The following NAALADL2 variants were observed in gnomAD, a reference collection of about 807,000 sequenced individuals.
The protein encoded by NAALADL2 is inactive N-acetylated-alpha-linked acidic dipeptidase-like protein 2.
Under a neutral mutation model 87.2 loss-of-function variants are expected in NAALADL2, and 76 were observed. That is an observed-to-expected ratio of 0.87 (90% CI 0.72 to 1.05). NAALADL2 has a LOEUF of 1.05. Ranked by LOEUF, NAALADL2 falls within the 50% of genes least tolerant of loss-of-function variation. The pLI, the probability that NAALADL2 is intolerant of heterozygous loss-of-function variation, is 0.00. For missense variants in NAALADL2, 1,089 were observed against 945.8 expected (o/e 1.15, Z -1.99); for synonymous variants, 354 against 331.0 (o/e 1.07, Z -0.75).
intron 4 of NAALADL2, among the ~76,000 whole-genome samples, chr3:175,272,344 C>T (rs1581213155): frequency 6.6e-6 from 1 of 152,180 alleles, no homozygotes; most frequent in East Asian, 1.9e-4. Context: ...ATGAGTTTAT[C>T]ATATTAAACT....
chr3:175,253,790 G>T (rs1236779449), intron 3 of NAALADL2, among the ~76,000 whole-genome samples: 2 of 152,056 alleles, frequency 1.3e-5, no homozygotes, highest in Non-Finnish European at 1.5e-5. Flanking sequence ...GAGTTTGAGG[G>T]GTTCAAGATT....
intron 1 of NAALADL2, among the ~76,000 whole-genome samples, chr3:174,958,462 T>C (rs1741474918): frequency 6.6e-6 from 1 of 152,026 alleles, no homozygotes; most frequent in Admixed American, 6.6e-5. Context: ...GTCCAGTGTT[T>C]GTTACATCAC....
intron 2 of NAALADL2, among the ~76,000 whole-genome samples, chr3:174,588,092 ACTTCT>A (rs1716931935): frequency 6.6e-6 from 1 of 151,600 alleles, no homozygotes; most frequent in South Asian, 2.1e-4. Context: ...TTTTCTGTAA[ACTTCT>A]CTTCTCACTT....
At chr3:174,703,452 T>C (rs2108889240) in intron 2 of NAALADL2, among the ~76,000 whole-genome samples, 1 of 152,202 alleles carries the variant, frequency 6.6e-6, no homozygotes, top group South Asian at 2.1e-4. Flanking sequence ...TGCCGCGCCA[T>C]TTGGACTGAC....
chr3:175,174,543 TG>T (rs2108938494), intron 2 of NAALADL2, among the ~76,000 whole-genome samples: 2 of 152,218 alleles, frequency 1.3e-5, no homozygotes, highest in South Asian at 4.1e-4. Flanking sequence ...GAAATTTTCT[TG>T]TATGTACTAA....
intron 1 of NAALADL2, among the ~76,000 whole-genome samples, chr3:174,923,052 AG>A (rs747019366): frequency 6.6e-6 from 1 of 152,230 alleles, no homozygotes; most frequent in Non-Finnish European, 1.5e-5. Flanking sequence ...CTACAAAAAA[AG>A]GAACAAGGCA....
At chr3:175,350,525 T>A (rs1763649613) in intron 5 of NAALADL2, among the ~76,000 whole-genome samples, 1 of 152,016 alleles carries the variant, frequency 6.6e-6, no homozygotes, top group Non-Finnish European at 1.5e-5. Context: ...TCCAGAAGGG[T>A]AGGGGTGGGA....
chr3:175,044,044 A>G (rs1754395115), intron 1 of NAALADL2, among the ~76,000 whole-genome samples: 1 of 151,994 alleles, frequency 6.6e-6, no homozygotes, highest in Non-Finnish European at 1.5e-5. Context: ...GTCTTCTTCA[A>G]TTTCTTTCAT....
chr3:174,868,195 G>A (rs1018598571), intron 1 of NAALADL2, among the ~76,000 whole-genome samples: 1 of 151,954 alleles, frequency 6.6e-6, no homozygotes, highest in Admixed American at 6.6e-5. Flanking sequence ...TTTTACCTTT[G>A]GATAAATTGC....
chr3:175,479,947 A>T (rs1410733166), intron 9 of NAALADL2, among the ~76,000 whole-genome samples: 3 of 151,820 alleles, frequency 2.0e-5, no homozygotes, highest in Non-Finnish European at 4.4e-5. Flanking sequence ...CAGCCTAAGG[A>T]AGAATTCTCA....
At chr3:174,589,277 C>T (rs957904961) in intron 2 of NAALADL2, among the ~76,000 whole-genome samples, 3 of 152,308 alleles carry the variant, frequency 2.0e-5, no homozygotes, top group South Asian at 2.1e-4. Flanking sequence ...CCATCTGTCA[C>T]GGCTTCCCTT....
chr3:175,207,484 AT>A (rs1306585159), intron 2 of NAALADL2, among the ~76,000 whole-genome samples: 1 of 152,014 alleles, frequency 6.6e-6, no homozygotes, highest in Non-Finnish European at 1.5e-5. Flanking sequence ...TCCTACATCT[AT>A]TTTTCAGGAT....
At chr3:175,334,570 T>A (rs1372795478) in intron 5 of NAALADL2, among the ~76,000 whole-genome samples, 1 of 152,226 alleles carries the variant, frequency 6.6e-6, no homozygotes, top group Non-Finnish European at 1.5e-5. Flanking sequence ...CATATTCTTC[T>A]TATTTATCCT....
chr3:175,479,660 A>G (rs185596248), intron 9 of NAALADL2, among the ~76,000 whole-genome samples: 5 of 151,912 alleles, frequency 3.3e-5, no homozygotes, highest in Admixed American at 3.3e-4. Flanking sequence ...TACAGTGCTG[A>G]TAAGGCTTGA....
At chr3:175,756,993 ATATT>A (rs1747347225) in intron 13 of NAALADL2, among the ~76,000 whole-genome samples, 1 of 151,126 alleles carries the variant, frequency 6.6e-6, no homozygotes, top group Non-Finnish European at 1.5e-5. Context: ...TTGTGTATAT[ATATT>A]TTTTATATGT....
At chr3:174,710,137 A>G (rs897282733) in intron 2 of NAALADL2, among the ~76,000 whole-genome samples, 3 of 152,108 alleles carry the variant, frequency 2.0e-5, no homozygotes, top group African/African-American at 7.2e-5. Context: ...TACTGCTGTG[A>G]AAAGATTTTG....
At chr3:175,375,754 C>T (rs921915972) in intron 5 of NAALADL2, among the ~76,000 whole-genome samples, 3 of 152,018 alleles carry the variant, frequency 2.0e-5, no homozygotes, top group African/African-American at 7.2e-5. Flanking sequence ...TGACATTTAA[C>T]CTAAATATTA....
At chr3:175,022,225 T>C (rs1357978404) in intron 1 of NAALADL2, among the ~76,000 whole-genome samples, 1 of 152,064 alleles carries the variant, frequency 6.6e-6, no homozygotes, top group East Asian at 1.9e-4. Context: ...TTATGAATTA[T>C]CCAGCCCCAG....
intron 9 of NAALADL2, among the ~76,000 whole-genome samples, chr3:175,557,417 T>C (rs980925839): frequency 6.6e-6 from 1 of 152,194 alleles, no homozygotes; most frequent in Non-Finnish European, 1.5e-5. Context: ...TAAACTCTTT[T>C]AGTTATTATA....
Sources: gnomAD v4.1 joint callset for allele counts (sites outside exome capture counted in the v4.1 genomes callset) on GRCh38, gnomAD v4.1.1 for gene constraint, MANE v1.5 for transcripts, NCBI Gene and HGNC (gene_info 2026-07-23, HGNC 2026-07-21) for gene names.